AGAP1: variants seen among roughly 807,000 people sequenced by gnomAD.
The protein encoded by AGAP1 is ArfGAP with GTPase domain, ankyrin repeat and PH domain 1.
Under a neutral mutation model 105.3 loss-of-function variants are expected in AGAP1, and 29 were observed. The ratio of observed to expected loss-of-function variants is 0.28; its 90% CI spans 0.21 to 0.38. The LOEUF is 0.38. AGAP1 is among the 10% of genes least tolerant of loss of function. The pLI is 1.00. For missense variants in AGAP1, 998 were observed against 1,165.1 expected (o/e 0.86, Z 2.09); for synonymous variants, 509 against 485.9 (o/e 1.05, Z -0.63).
In AGAP1 at chr2:235,494,114, T is replaced by C. The variant is rs890620813; in HGVS notation, c.-573T>C. On this transcript the variant is annotated 5_prime_UTR_variant, in exon 1 of 18. Transcript: ENST00000304032. ...GGCGCTCGGAGCGGGCTCCGCGGCT[T>C]GCAAGGCGCCTGCGACTCGGTCCCA... 1 of 141,648 alleles carries C rather than the reference T, an allele frequency of 7.1e-6. No homozygotes were observed. Among genetic ancestry groups the C allele is most frequent in the Non-Finnish European group, 1.6e-5 (1 of 64,112 alleles). 8.8% of individuals were successfully genotyped at this position (141,648 alleles called of 1,614,324 possible).
intron 1 of AGAP1, among the ~76,000 whole-genome samples, chr2:235,518,953 G>C (rs1942508602): frequency 6.6e-6 from 1 of 152,200 alleles, no homozygotes; most frequent in Non-Finnish European, 1.5e-5. Context: ...CGGCCAGTTG[G>C]CTTCACACTG....
chr2:235,733,672 A>G lies in AGAP1; in HGVS notation c.311-7291A>G, dbSNP rs559579813. ...TAGATCTCGGTTAAATGAAACCATGAGAGACCGTGGCCTGCCCAAGGAAAT... is the reference window on the plus strand; with the variant it reads ...TAGATCTCGGTTAAATGAAACCATGGGAGACCGTGGCCTGCCCAAGGAAAT... On this transcript the variant is annotated intron_variant, in intron 3 of 17. Transcript: ENST00000304032. The surrounding 1 kb of genome is among the most constrained non-coding windows in gnomAD (Gnocchi z 5.0). 6.6e-6 allele frequency among the ~76,000 whole-genome samples: 1 copy of G among 152,230 alleles called. No individual in the cohort carries two copies. Among genetic ancestry groups the G allele is most frequent in the South Asian group, 2.1e-4 (1 of 4,816 alleles).
chr2:235,913,072 T>G (rs2051697265), intron 11 of AGAP1, among the ~76,000 whole-genome samples: 1 of 152,222 alleles, frequency 6.6e-6, no homozygotes, highest in Non-Finnish European at 1.5e-5. Context: ...TTTTAAATTT[T>G]ATGGTCTTCT....
At chr2:235,539,406 A>G (rs574669944) in intron 1 of AGAP1, among the ~76,000 whole-genome samples, 181 of 152,314 alleles carry the variant, frequency 1.2e-3, no homozygotes, top group African/African-American at 4.1e-3. Flanking sequence ...GGAATGGGCC[A>G]TGGGTCTCAT....
In AGAP1 at chr2:235,601,486, A is replaced by G. The variant is rs1461893783; in HGVS notation, c.163+106637A>G. Among the ~76,000 whole-genome samples the G allele has an allele frequency of 1.3e-5, 2 of 152,194 alleles. No individual in the cohort carries two copies. The highest frequency in any genetic ancestry group is 2.9e-5 in the Non-Finnish European group (2 of 68,040). On this transcript the variant is annotated intron_variant, in intron 1 of 17. Transcript: ENST00000304032. This position sits in a 1 kb window ranked among gnomAD's most constrained non-coding sequence, Gnocchi z 4.4. The stretch of plus-strand genomic sequence containing the variant: ...GCCTCACAGTCATGGCGGAAGGTGA[A>G]TGAGGAGCAAAGTTACATCTAACAT...
At chr2:235,783,821 C>T (rs72981192) in intron 6 of AGAP1, among the ~76,000 whole-genome samples, 39,260 of 151,812 alleles carry the variant, frequency 0.26, 5,427 homozygotes, top group Admixed American at 0.4. Flanking sequence ...ATTCATGGAC[C>T]GGTACAACTA....
Position 235,793,277 on chromosome 2 carries a change from C to T in AGAP1, c.674-4482C>T, listed in dbSNP as rs150855586. Among the ~76,000 whole-genome samples the T allele has an allele frequency of 5.5e-4, 84 of 152,298 alleles. No individual in the cohort carries two copies. The highest frequency in any genetic ancestry group is 9.8e-4 in the Non-Finnish European group (67 of 68,036). ...CTGGCTGGGAATGGGGCGTGGCACA[C>T]GGTGTAATCCGGGCAGCCTTGGCGA... On this transcript the variant is annotated intron_variant, in intron 6 of 17. Coordinates refer to ENST00000304032, the MANE Select transcript of AGAP1 (RefSeq NM_001037131.3). The surrounding 1 kb of genome is among the most constrained non-coding windows in gnomAD (Gnocchi z 5.3).
intron 11 of AGAP1, among the ~76,000 whole-genome samples, chr2:235,928,897 C>T (rs11688430): frequency 0.24 from 36,876 of 152,126 alleles, 5,144 homozygotes; most frequent in South Asian, 0.4. Flanking sequence ...ATGCCTGGCC[C>T]ACCTCCCCCG....
rs567656216 is a variant in AGAP1, at chr2:236,121,447, C to T, written c.2370+1000C>T. ...TCCCAGGAAGCTGGGATTACAGGTG[C>T]GCACCACCACGCCCAGCTAATTTTT... On this transcript the variant is annotated intron_variant, in intron 17 of 17. Coordinates refer to ENST00000304032, the MANE Select transcript of AGAP1 (RefSeq NM_001037131.3). This position sits in a 1 kb window ranked among gnomAD's most constrained non-coding sequence, Gnocchi z 4.9. 4.3e-4 allele frequency among the ~76,000 whole-genome samples: 65 copies of T among 152,218 alleles called. No individual in the cohort carries two copies. Among genetic ancestry groups the T allele is most frequent in the Admixed American group, 1.2e-3 (19 of 15,298 alleles).
intron 6 of AGAP1, among the ~76,000 whole-genome samples, chr2:235,768,138 AC>A (rs1955126819): frequency 6.6e-6 from 1 of 151,684 alleles, no homozygotes; most frequent in African/African-American, 2.4e-5. Flanking sequence ...AGTTTTTCTT[AC>A]CCTAAGATAG....
chr2:235,532,081 A>G (rs934280917), intron 1 of AGAP1, among the ~76,000 whole-genome samples: 4 of 152,206 alleles, frequency 2.6e-5, no homozygotes, highest in Admixed American at 2.0e-4. Flanking sequence ...AAATAGTTTA[A>G]CTTTTAAAAA....
rs76042521 is a variant in AGAP1, at chr2:236,123,675, A to C, written c.2371-244A>C. Among the ~76,000 whole-genome samples the C allele has an allele frequency of 3.5e-3, 537 of 152,226 alleles. 3 individuals are homozygous for C. The highest frequency in any genetic ancestry group is 0.012 in the African/African-American group (502 of 41,548). ...AAACTAAAGTTATCTTTGATTCCTTAATGTTGCACAAAGGAGGGGCTTTCA... is the reference window on the plus strand; with the variant it reads ...AAACTAAAGTTATCTTTGATTCCTTCATGTTGCACAAAGGAGGGGCTTTCA... On this transcript the variant is annotated intron_variant, in intron 17 of 17. Coordinates refer to ENST00000304032, the MANE Select transcript of AGAP1 (RefSeq NM_001037131.3). This position sits in a 1 kb window ranked among gnomAD's most constrained non-coding sequence, Gnocchi z 4.6.
At position 235,744,848 on chromosome 2, in the gene AGAP1, T is replaced by G; in HGVS notation, c.538+9T>G. 1 of 1,613,972 alleles carries G rather than the reference T, an allele frequency of 6.2e-7. No homozygotes were observed. Among genetic ancestry groups the G allele is most frequent in the Non-Finnish European group, 8.5e-7 (1 of 1,179,952 alleles). ...TCTGGTGGGAACCCAGGGTGAGTGA[T>G]GTTCGTGTGCAGATTGTTTTGAAAG... On this transcript the variant is annotated intron_variant, in intron 5 of 17. Transcript: ENST00000304032. The surrounding 1 kb of genome is among the most constrained non-coding windows in gnomAD (Gnocchi z 5.2).
intron 1 of AGAP1, among the ~76,000 whole-genome samples, chr2:235,619,292 G>A (rs1426104262): frequency 1.3e-5 from 2 of 152,166 alleles, no homozygotes; most frequent in African/African-American, 4.8e-5. Context: ...GAAGTTGAAT[G>A]ATTTGCCCGA....
rs1006805072 is a variant in AGAP1, at chr2:236,090,540, G to A, written c.2115-29652G>A. On this transcript the variant is annotated intron_variant, in intron 16 of 17. Coordinates refer to ENST00000304032, the MANE Select transcript of AGAP1 (RefSeq NM_001037131.3). The surrounding 1 kb of genome is among the most constrained non-coding windows in gnomAD (Gnocchi z 4.3). ...GAAAAGCAAACGGGCTTTGCCAAGC[G>A]AGTGAGAGGCGGGGGTCGGAGGGAG... 9.9e-5 allele frequency among the ~76,000 whole-genome samples: 15 copies of A among 152,178 alleles called. No individual in the cohort carries two copies. Among genetic ancestry groups the A allele is most frequent in the East Asian group, 1.9e-4 (1 of 5,192 alleles).
intron 1 of AGAP1, among the ~76,000 whole-genome samples, chr2:235,515,378 G>T (rs1265923365): frequency 6.6e-6 from 1 of 152,134 alleles, no homozygotes; most frequent in Non-Finnish European, 1.5e-5. Context: ...GGCCAGGGGA[G>T]GCCTTTCATG....
At chr2:235,686,616 T>TAG (rs1949413251) in intron 1 of AGAP1, among the ~76,000 whole-genome samples, 1 of 37,734 alleles carries the variant, frequency 2.7e-5, no homozygotes, top group African/African-American at 1.4e-4. Flanking sequence ...TACGTGGAGA[T>TAG]ATAGATATAT....
intron 5 of AGAP1, among the ~76,000 whole-genome samples, chr2:235,748,963 C>CT (rs1413993655): frequency 6.6e-6 from 1 of 152,222 alleles, no homozygotes; most frequent in Non-Finnish European, 1.5e-5. Flanking sequence ...AATCCCAACA[C>CT]TTTGGGAGGC....
At position 236,089,471 on chromosome 2, in the gene AGAP1, A is replaced by C. The variant is rs572134848; in HGVS notation, c.2115-30721A>C. ...AGGCTGCCGGGTACTGGCAGAAGAG[A>C]GTGAGCGTAGCAACTGGGAGGTGGC... On this transcript the variant is annotated intron_variant, in intron 16 of 17. Coordinates refer to ENST00000304032, the MANE Select transcript of AGAP1 (RefSeq NM_001037131.3). This position sits in a 1 kb window ranked among gnomAD's most constrained non-coding sequence, Gnocchi z 5.6. 6.6e-6 allele frequency among the ~76,000 whole-genome samples: 1 copy of C among 152,324 alleles called. No individual in the cohort carries two copies. The highest frequency in any genetic ancestry group is 6.5e-5 in the Admixed American group (1 of 15,298).
Sources: allele counts gnomAD v4.1 joint callset (sites outside exome capture counted in the v4.1 genomes callset), GRCh38; gene constraint gnomAD v4.1.1; non-coding constraint Gnocchi (gnomAD v3.1); transcripts MANE v1.5; gene names NCBI Gene and HGNC (gene_info 2026-07-23, HGNC 2026-07-21).